MARCHF6: variants seen among roughly 807,000 people sequenced by gnomAD.
MARCHF6 encodes membrane associated ring-CH-type finger 6.
In MARCHF6, 31 loss-of-function variants were observed where a neutral mutation model predicts 133.7. That is an observed-to-expected ratio of 0.23 (90% CI 0.17 to 0.31). The LOEUF is 0.31. Ranked by LOEUF, MARCHF6 falls within the 10% of genes least tolerant of loss-of-function variation. MARCHF6 has a pLI of 1.00. For synonymous variants in MARCHF6, 395 were observed against 402.5 expected (o/e 0.98, Z 0.22); for missense variants, 723 against 1,121.6 (o/e 0.64, Z 5.08).
At chr5:10,411,571 G>T (rs1739233466) in intron 19 of MARCHF6, 34 bp downstream of exon 19, 2 of 1,527,176 alleles carry the variant, frequency 1.3e-6, no homozygotes, top group Admixed American at 4.3e-5. Flanking sequence ...ACATATAGAG[G>T]TTTTTTTGGT....
At chr5:10,364,975 G>A (rs958510317) in intron 1 of MARCHF6, among the ~76,000 whole-genome samples, 12 of 151,892 alleles carry the variant, frequency 7.9e-5, no homozygotes, top group Non-Finnish European at 1.6e-4. Flanking sequence ...GGCTAATTTT[G>A]TATTTTTAGT....
chr5:10,360,853 T>C (rs184205074), intron 1 of MARCHF6, among the ~76,000 whole-genome samples: 23 of 152,360 alleles, frequency 1.5e-4, no homozygotes, highest in Admixed American at 1.5e-3. Context: ...GAATACTTTT[T>C]AGACTGAAGC....
At chr5:10,410,828 C>G (rs937925376) in intron 18 of MARCHF6, among the ~76,000 whole-genome samples, 1 of 152,152 alleles carries the variant, frequency 6.6e-6, no homozygotes, top group Non-Finnish European at 1.5e-5. Context: ...GCTTCCTCCC[C>G]CAGTCTCATT....
In MARCHF6 at chr5:10,402,112, T is replaced by G. The variant is rs1738573346; in HGVS notation, c.1026T>G (p.Leu342=). The change falls in exon 12 of 26, where the codon CTT becomes CTG. Residue 342 remains leucine (L), a synonymous_variant. Transcript: ENST00000274140. ...GLITTIVGYI[L]LAITLIICHG... ...TCACAACCATAGTTGGGTATATACT[T>G]TTAGCAATAACACTGATAATTTGTC... The G allele has an allele frequency of 6.2e-7, 1 of 1,608,112 alleles. No individual in the cohort carries two copies. Among genetic ancestry groups the G allele is most frequent in the Non-Finnish European group, 8.5e-7 (1 of 1,175,298 alleles).
chr5:10,361,706 G>A (rs1171400706), intron 1 of MARCHF6, among the ~76,000 whole-genome samples: 3 of 152,126 alleles, frequency 2.0e-5, no homozygotes, highest in Non-Finnish European at 4.4e-5. Context: ...AATTCTTGAA[G>A]GCTTGGAAGA....
intron 7 of MARCHF6, among the ~76,000 whole-genome samples, chr5:10,392,533 C>G (rs531748349): frequency 6.6e-6 from 1 of 152,200 alleles, no homozygotes; most frequent in South Asian, 2.1e-4. Flanking sequence ...ATGGGTAGAT[C>G]ACCTGAGGTC....
Position 10,390,356 on chromosome 5 carries a change from G to A in MARCHF6, c.432G>A (p.Leu144=). The A allele has an allele frequency of 6.2e-7, 1 of 1,611,170 alleles. No homozygotes were observed. Among genetic ancestry groups the A allele is most frequent in the African/African-American group, 1.3e-5 (1 of 74,560 alleles). The change falls in exon 6 of 26, where the codon TTG becomes TTA. Residue 144 remains leucine (L), a synonymous_variant. Coordinates refer to ENST00000274140, the MANE Select transcript of MARCHF6 (RefSeq NM_005885.4). Reference sequence around the variant, plus strand: ...GGGAAAATTTGTTGGCAGATTGTTTGCAGGGTTGTTTTGTGGTGACGTGCA... The same window carrying A: ...GGGAAAATTTGTTGGCAGATTGTTTACAGGGTTGTTTTGTGGTGACGTGCA... The part of the protein sequence containing the change: ...LSTENLLADC[L]QGCFVVTCTL...
intron 1 of MARCHF6, among the ~76,000 whole-genome samples, chr5:10,369,163 CA>C (rs1736311302): frequency 6.6e-6 from 1 of 152,166 alleles, no homozygotes; most frequent in Non-Finnish European, 1.5e-5. Flanking sequence ...CATTGTACCT[CA>C]TATTTCATTG....
At position 10,402,101 on chromosome 5, in the gene MARCHF6, G is replaced by T; in HGVS notation, c.1015G>T (p.Gly339Trp). 1 of 1,610,112 alleles carries T rather than the reference G, an allele frequency of 6.2e-7. No homozygotes were observed. Among genetic ancestry groups the T allele is most frequent in the South Asian group, 1.1e-5 (1 of 90,786 alleles). ...TGAAGGCCTAATCACAACCATAGTT[G>T]GGTATATACTTTTAGCAATAACACT... is the stretch of plus-strand genomic sequence containing the variant. ...HFEGLITTIVGYILLAITLII... is the reference protein window; with the variant it reads ...HFEGLITTIVWYILLAITLII... Residue 339 changes from glycine to tryptophan, a missense_variant, in exon 12 of 26, where the codon GGG becomes TGG. By Grantham distance (184) the Gly-to-Trp change is radical. Around this residue, in one of 4 missense-constraint regions of MARCHF6, gnomAD observed 43 missense variants for 97.9 expected, o/e 0.44. Transcript: ENST00000274140.
At chr5:10,363,852 A>G (rs180839052) in intron 1 of MARCHF6, among the ~76,000 whole-genome samples, 158 of 152,340 alleles carry the variant, frequency 1.0e-3, no homozygotes, top group Admixed American at 1.7e-3. Flanking sequence ...TAAGCCAGTC[A>G]CAAAAGAACA....
chr5:10,403,653 A>G (rs946166430), intron 15 of MARCHF6, 112 bp downstream of exon 15: 2 of 964,324 alleles, frequency 2.1e-6, no homozygotes, highest in Admixed American at 2.8e-5. Context: ...CATATTCTCT[A>G]CTATTTTATT....
At position 10,433,615 on chromosome 5, in the gene MARCHF6, C is replaced by T. The variant is rs767232864; in HGVS notation, c.2664C>T (p.Leu888=). Residue 888 remains leucine (L), a synonymous_variant, in exon 26 of 26, where the codon CTC becomes CTT. Transcript: ENST00000274140. ...KNDKYLVGQR[L]VNYERKSGKQ... is the part of the protein sequence containing the mutation. ...CTAGGTACCTTGTGGGTCAACGACT[C>T]GTGAACTACGAACGGAAATCTGGCA... 58 of 1,614,080 alleles carry T rather than the reference C, an allele frequency of 3.6e-5. No individual in the cohort carries two copies. Among genetic ancestry groups the T allele is most frequent in the Admixed American group, 8.3e-5 (5 of 60,006 alleles).
rs1421623282 is a variant in MARCHF6 at position 10,411,291 on chromosome 5, T to G, written c.1692-42T>G. The G allele has an allele frequency of 2.0e-6, 3 of 1,493,314 alleles. No homozygotes were observed. The Admixed American group carries it at 5.0e-5, about 25-fold the overall frequency. 92.5% of individuals were successfully genotyped at this position (1,493,314 alleles called of 1,614,324 possible). On this transcript the variant is annotated intron_variant, in intron 18 of 25. Coordinates refer to ENST00000274140, the MANE Select transcript of MARCHF6 (RefSeq NM_005885.4). ...GAGTGTCATGTCTGCCATTTTATTG[T>G]GACCTGAAGTGAGACTTGTTACTGA...
In MARCHF6 at chr5:10,433,853, T is replaced by G; in HGVS notation, c.*169T>G. 5 of 608,126 alleles carry G rather than the reference T, an allele frequency of 8.2e-6. No homozygotes were observed. The allele number at this position is 608,126 out of a possible 1,614,324, so 37.7% of individuals were successfully genotyped here. A position where few individuals can be genotyped will look rare whatever the true frequency, so the allele number is the denominator to read the frequency against. ...CGGTGTAAGATTCTGCTGTTCTCCC[T>G]GGATCTTCTGACATTACTGCTGTCT... On this transcript the variant is annotated 3_prime_UTR_variant, in exon 26 of 26. Transcript: ENST00000274140.
rs920915399 is a variant in MARCHF6, at chr5:10,438,422, A to G, written c.*4738A>G. The G allele has an allele frequency of 1.2e-4, 19 of 152,198 alleles. No homozygotes were observed. The highest frequency in any genetic ancestry group is 4.6e-4 in the African/African-American group (19 of 41,450). 9.4% of individuals were successfully genotyped at this position (152,198 alleles called of 1,614,324 possible). ...ATGCAGGGGTGATAGAGGAAATGCT[A>G]TTCGAACCATAGACATCTTTAATCT... On this transcript the variant is annotated 3_prime_UTR_variant, in exon 26 of 26. Transcript: ENST00000274140.
chr5:10,407,081 A>C (rs763811428), intron 16 of MARCHF6, 21 bp from the exon 17 acceptor site: 28 of 1,408,074 alleles, frequency 2.0e-5, no homozygotes, highest in Non-Finnish European at 2.6e-5. Context: ...TAGTGGTGTC[A>C]TACCCTGTTT....
At chr5:10,413,785 G>A (rs1561141659) in intron 19 of MARCHF6, among the ~76,000 whole-genome samples, 1 of 152,050 alleles carries the variant, frequency 6.6e-6, no homozygotes, top group Non-Finnish European at 1.5e-5. Context: ...GAACAGTATG[G>A]GGGAAACTGC....
intron 15 of MARCHF6, among the ~76,000 whole-genome samples, chr5:10,404,355 A>G (rs552349324): frequency 6.6e-6 from 1 of 152,292 alleles, no homozygotes; most frequent in African/African-American, 2.4e-5. Flanking sequence ...GGTGTGAGCC[A>G]CTGTGCCTGG....
At chr5:10,410,913 G>A (rs1739192093) in intron 18 of MARCHF6, among the ~76,000 whole-genome samples, 1 of 152,146 alleles carries the variant, frequency 6.6e-6, no homozygotes, top group Non-Finnish European at 1.5e-5. Context: ...GTAGTCATCT[G>A]TAGAGAAGAT....
Sources: allele counts gnomAD v4.1 joint callset (sites outside exome capture counted in the v4.1 genomes callset), GRCh38; gene constraint gnomAD v4.1.1; regional missense constraint gnomAD v4.1.1; transcripts MANE v1.5; gene names NCBI Gene and HGNC (gene_info 2026-07-23, HGNC 2026-07-21).